LBR: variants seen among roughly 807,000 people sequenced by gnomAD.
LBR encodes the protein delta(14)-sterol reductase LBR.
Under a neutral mutation model 74.3 loss-of-function variants are expected in LBR, and 28 were observed. That is an observed-to-expected ratio of 0.38 (90% CI 0.28 to 0.52). LBR has a LOEUF of 0.52. Among genes scored for constraint, LBR ranks in the 20% least tolerant of loss-of-function variants. LBR has a pLI of 0.89. For synonymous variants in LBR, 228 were observed against 269.3 expected (o/e 0.85, Z 1.50); for missense variants, 717 against 760.3 (o/e 0.94, Z 0.67).
chr1:225,418,546 T>A (rs2096121705), intron 5 of LBR, among the ~76,000 whole-genome samples: 1 of 152,184 alleles, frequency 6.6e-6, no homozygotes, highest in Admixed American at 6.5e-5. Flanking sequence ...ATCAGCCTAA[T>A]CTTAACAAAA....
chr1:225,427,305 A>T (rs1432312550), intron 1 of LBR: 1 of 152,316 alleles, frequency 6.6e-6, no homozygotes, highest in Non-Finnish European at 1.5e-5. Context: ...GTGCTTTAGC[A>T]GGAACACGCA....
chr1:225,413,091 C>T (rs1265416363), intron 7 of LBR, among the ~76,000 whole-genome samples: 3 of 152,146 alleles, frequency 2.0e-5, no homozygotes, highest in African/African-American at 7.2e-5. Flanking sequence ...TTGGTAGTTA[C>T]AAAATTATAA....
intron 9 of LBR, 106 bp from the exon 10 acceptor site, chr1:225,410,522 C>T: frequency 8.4e-7 from 1 of 1,192,466 alleles, no homozygotes; most frequent in Non-Finnish European, 1.2e-6. Context: ...GCAGACGCCA[C>T]CGTAACTCCT....
At chr1:225,414,709 C>A (rs982350519) in intron 7 of LBR, among the ~76,000 whole-genome samples, 1 of 152,230 alleles carries the variant, frequency 6.6e-6, no homozygotes, top group African/African-American at 2.4e-5. Context: ...AAGCCACATT[C>A]TAGTGGAGAG....
At chr1:225,428,263 G>T (rs1018951654), upstream of LBR, among the ~76,000 whole-genome samples, 7 of 152,088 alleles carry the variant, frequency 4.6e-5, no homozygotes, top group African/African-American at 1.7e-4. Context: ...CGGGGAGGCC[G>T]GTGAGCGGGG....
At chr1:225,425,766 T>C (rs2096137981) in intron 1 of LBR, among the ~76,000 whole-genome samples, 2 of 151,870 alleles carry the variant, frequency 1.3e-5, no homozygotes, top group Non-Finnish European at 2.9e-5. Flanking sequence ...TCTCCTACAC[T>C]GGTCAGCCAG....
intron 3 of LBR, among the ~76,000 whole-genome samples, chr1:225,420,265 C>T (rs1490564521): frequency 4.0e-5 from 6 of 149,916 alleles, no homozygotes; most frequent in East Asian, 2.0e-4. Flanking sequence ...GCCAAGACCG[C>T]GCCATTGCAC....
intron 6 of LBR, chr1:225,417,682 G>C: frequency 3.5e-6 from 1 of 281,914 alleles, no homozygotes; most frequent in South Asian, 5.0e-5. Flanking sequence ...TTTCTATTTG[G>C]TTTGAAAAGT....
chr1:225,401,967 G>A lies in LBR; in HGVS notation c.*1336C>T, dbSNP rs2096082717. On this transcript the variant is annotated 3_prime_UTR_variant, in exon 14 of 14. Coordinates refer to ENST00000272163, the MANE Select transcript of LBR (RefSeq NM_002296.4). ...ATTAAAACCCAAACATACACACTAT[G>A]TTTATTACATTCCCCTACATTGAAA... is the stretch of plus-strand genomic sequence containing the variant. 6.6e-6 allele frequency: 1 copy of A among 152,162 alleles called. No homozygotes were observed. Among genetic ancestry groups the A allele is most frequent in the Admixed American group, 6.5e-5 (1 of 15,270 alleles). The allele number at this position is 152,162 out of a possible 1,614,324, so 9.4% of individuals were successfully genotyped here.
intron 11 of LBR, among the ~76,000 whole-genome samples, chr1:225,405,258 TCAG>T (rs2096089060): frequency 6.6e-6 from 1 of 152,248 alleles, no homozygotes; most frequent in Non-Finnish European, 1.5e-5. Flanking sequence ...TATCCAAATT[TCAG>T]AATGTCAAAA....
chr1:225,404,559 G>A (rs780394516), intron 12 of LBR, 33 bp from the exon 13 acceptor site: 1 of 1,573,266 alleles, frequency 6.4e-7, no homozygotes, highest in South Asian at 1.1e-5. Context: ...TTTTAATGAT[G>A]TCGAGACAAA....
rs201793983 is a variant in LBR at position 225,406,845 on chromosome 1, A to G, written c.1315-13T>C. On this transcript the variant is annotated splice_polypyrimidine_tract_variant and intron_variant, in intron 10 of 13. Coordinates refer to ENST00000272163, the MANE Select transcript of LBR (RefSeq NM_002296.4). ...TCAACAACGCTTCCTATAAGGATAC[A>G]GACGGGGAAAGGGAGAAGGAGCTTC... The G allele has an allele frequency of 7.7e-5, 125 of 1,613,236 alleles. No homozygotes were observed. The African/African-American group carries it at 1.2e-3, about 16-fold the overall frequency.
intron 7 of LBR, among the ~76,000 whole-genome samples, chr1:225,413,261 C>T (rs917328673): frequency 2.0e-5 from 3 of 152,218 alleles, no homozygotes; most frequent in African/African-American, 7.2e-5. Context: ...GGGGTAGGGA[C>T]AGCAGGCGGG....
At chr1:225,411,123 A>G (rs756587526) in intron 9 of LBR, among the ~76,000 whole-genome samples, 35 of 152,238 alleles carry the variant, frequency 2.3e-4, no homozygotes, top group Non-Finnish European at 4.7e-4. Context: ...AAAATAAAGC[A>G]AAGAAAAGTT....
At position 225,403,188 on chromosome 1, in the gene LBR, A is replaced by AAAAAAAAGTACTGAC. The variant is rs1195081539; in HGVS notation, c.*114_*115insGTCAGTACTTTTTTT. 1.0e-6 allele frequency: 1 copy of AAAAAAAAGTACTGAC among 1,003,022 alleles called. No homozygotes were observed. Among genetic ancestry groups the AAAAAAAAGTACTGAC allele is most frequent in the Non-Finnish European group, 1.6e-6 (1 of 641,920 alleles). The allele number at this position is 1,003,022 out of a possible 1,614,324, so 62.1% of individuals were successfully genotyped here. A position where few individuals can be genotyped will look rare whatever the true frequency, so the allele number is the denominator to read the frequency against. ...CTCCATAGTCCTGACTCAAAAAGAA[A>AAAAAAAAGTACTGAC]AAAAAAAGTACAGACCCTGTCAGTG... On this transcript the variant is annotated 3_prime_UTR_variant, in exon 14 of 14. Coordinates refer to ENST00000272163, the MANE Select transcript of LBR (RefSeq NM_002296.4).
Position 225,412,487 on chromosome 1 carries a change from C to G in LBR, c.1051G>C (p.Ala351Pro). 1 of 1,614,106 alleles carries G rather than the reference C, an allele frequency of 6.2e-7. No homozygotes were observed. Among genetic ancestry groups the G allele is most frequent in the Non-Finnish European group, 8.5e-7 (1 of 1,180,026 alleles). The change falls in exon 8 of 14, where the codon GCG becomes CCG. Residue 351 changes from alanine (A) to proline (P), a missense_variant. Transcript: ENST00000272163. ...SVYLYMRSLK[A>P]PRNDLSPASS... ...GCAGGCGACAGGTCATTCCGGGGCG[C>G]TTTCAAAGAGCGCATGTAGAGATAC...
chr1:225,417,625 T>C lies in LBR; in HGVS notation c.837+359A>G, dbSNP rs150784602. The C allele has an allele frequency of 2.1e-3, 418 of 203,148 alleles. 4 individuals are homozygous for C. Among genetic ancestry groups the C allele is most frequent in the Non-Finnish European group, 3.2e-3 (317 of 98,228 alleles). The allele number at this position is 203,148 out of a possible 1,614,324, so 12.6% of individuals were successfully genotyped here. On this transcript the variant is annotated intron_variant, in intron 6 of 13. Coordinates refer to ENST00000272163, the MANE Select transcript of LBR (RefSeq NM_002296.4). The stretch of plus-strand genomic sequence containing the variant: ...ATACTAAGAGTGAATTTTTTTTCCA[T>C]AGCAACCTCCACTGAGAGTCGGCTA...
In LBR at chr1:225,419,332, C is replaced by G; in HGVS notation, c.571G>C (p.Glu191Gln). The change falls in exon 5 of 14, where the codon GAA becomes CAA. Residue 191 changes from glutamate (E) to glutamine (Q), a missense_variant. Glu to Gln is a conservative substitution (Grantham distance 29). Transcript: ENST00000272163. Reference sequence around the variant, plus strand: ...ACTTCAAAGGTTCTCACTGCCAGTTCTTTTGCAACGTATTTTTCTTCCTTA... The same window carrying G: ...ACTTCAAAGGTTCTCACTGCCAGTTGTTTTGCAACGTATTTTTCTTCCTTA... ...DSKEEKYVAK[E>Q]LAVRTFEVTP... 1 of 1,614,202 alleles carries G rather than the reference C, an allele frequency of 6.2e-7. No individual in the cohort carries two copies. The highest frequency in any genetic ancestry group is 8.5e-7 in the Non-Finnish European group (1 of 1,180,032).
chr1:225,413,489 A>G (rs1231802142), intron 7 of LBR, among the ~76,000 whole-genome samples: 1 of 152,248 alleles, frequency 6.6e-6, no homozygotes, highest in Non-Finnish European at 1.5e-5. Context: ...AACGGTCAAA[A>G]GCAAAAAAGA....
Sources: gnomAD v4.1 joint callset for allele counts (sites outside exome capture counted in the v4.1 genomes callset) on GRCh38, gnomAD v4.1.1 for gene constraint, MANE v1.5 for transcripts, NCBI Gene and HGNC (gene_info 2026-07-23, HGNC 2026-07-21) for gene names.